Variants in DCUN1D4 observed in about 807,000 individuals in gnomAD.
DCUN1D4 encodes defective in cullin neddylation 1 domain containing 4.
DCUN1D4 carries 22 observed loss-of-function variants against 47.9 expected under a neutral mutation model. The observed-to-expected ratio is 0.46, with a 90% confidence interval of 0.33 to 0.66. DCUN1D4 has a LOEUF of 0.66. DCUN1D4 is among the 30% of genes least tolerant of loss of function. The probability of loss-of-function intolerance (pLI) is 0.02; values close to 1 mark genes in which losing one functional copy is unlikely to be tolerated. For missense variants in DCUN1D4, 301 were observed against 340.8 expected (o/e 0.88, Z 0.92); for synonymous variants, 121 against 112.2 (o/e 1.08, Z -0.50).
upstream of DCUN1D4, among the ~76,000 whole-genome samples, chr4:51,839,185 G>A (rs1479320599): frequency 9.1e-6 from 1 of 109,646 alleles, no homozygotes; most frequent in East Asian, 3.2e-4. Context: ...AGGAAGAAAG[G>A]AGAAGGAAGG....
chr4:51,837,994 A>G, the DCUN1D4 span, among the ~76,000 whole-genome samples: 1 of 152,218 alleles, frequency 6.6e-6, no homozygotes, highest in African/African-American at 2.4e-5. Flanking sequence ...CCTGACCAAC[A>G]TGGTGAAAAC....
intron 1 of DCUN1D4, chr4:51,848,317 G>T: frequency 7.8e-7 from 1 of 1,287,034 alleles, no homozygotes; most frequent in Non-Finnish European, 1.0e-6. Flanking sequence ...GTCCGTTTCT[G>T]GTCTCTCGTG....
chr4:51,906,156 T>C (rs1193486356), intron 8 of DCUN1D4, among the ~76,000 whole-genome samples: 1 of 152,146 alleles, frequency 6.6e-6, no homozygotes, highest in Non-Finnish European at 1.5e-5. Flanking sequence ...GGTAATCTTG[T>C]GGCAGGTTAG....
chr4:51,888,479 G>A (rs764248753), intron 6 of DCUN1D4, among the ~76,000 whole-genome samples: 9 of 152,112 alleles, frequency 5.9e-5, no homozygotes, highest in Non-Finnish European at 8.8e-5. Context: ...GATGGCTCAC[G>A]CCTGTAATCC....
chr4:51,860,515 G>A (rs762405752), intron 1 of DCUN1D4: 1 of 448,754 alleles, frequency 2.2e-6, no homozygotes, highest in Admixed American at 2.4e-5. Context: ...TAAAAGAAAA[G>A]AGGTTTAATT....
rs1021047329 is a variant in DCUN1D4, at chr4:51,884,386, G to T, written c.344-2182G>T. 3 of 152,152 alleles carry T rather than the reference G, an allele frequency of 2.0e-5. No individual in the cohort carries two copies. In the East Asian group the frequency reaches 5.8e-4, roughly 29 times the overall value. 9.4% of individuals were successfully genotyped at this position (152,152 alleles called of 1,614,324 possible). Reference sequence around the variant, plus strand: ...CTGTACTTTGTCTCCCTTCATGGAGGGCAGGGACTGTTTGCACCCTAGGCA... The same window carrying T: ...CTGTACTTTGTCTCCCTTCATGGAGTGCAGGGACTGTTTGCACCCTAGGCA... On this transcript the variant is annotated intron_variant, in intron 5 of 10. Coordinates refer to ENST00000334635, the MANE Select transcript of DCUN1D4 (RefSeq NM_001040402.3).
intron 8 of DCUN1D4, among the ~76,000 whole-genome samples, chr4:51,902,949 A>G (rs974241382): frequency 2.6e-5 from 4 of 152,132 alleles, no homozygotes; most frequent in African/African-American, 9.7e-5. Context: ...TTCATGTATA[A>G]TGCAAGAATC....
intron 6 of DCUN1D4, among the ~76,000 whole-genome samples, chr4:51,889,444 A>G (rs1024870146): frequency 6.6e-6 from 1 of 152,258 alleles, no homozygotes; most frequent in Non-Finnish European, 1.5e-5. Flanking sequence ...CCAAGATAAC[A>G]GCAACATTCT....
chr4:51,874,503 A>T, intron 4 of DCUN1D4, 118 bp downstream of exon 4: 1 of 559,278 alleles, frequency 1.8e-6, no homozygotes. Context: ...GGGCTTTGCC[A>T]GTCGATTTTT....
chr4:51,900,621 T>G (rs1280593442), intron 8 of DCUN1D4, among the ~76,000 whole-genome samples: 1 of 152,122 alleles, frequency 6.6e-6, no homozygotes, highest in Non-Finnish European at 1.5e-5. Flanking sequence ...TAGTTCTAGC[T>G]ACTCAGGAGG....
intron 3 of DCUN1D4, among the ~76,000 whole-genome samples, chr4:51,867,322 C>T (rs942350616): frequency 3.3e-5 from 5 of 152,240 alleles, no homozygotes; most frequent in African/African-American, 4.8e-5. Context: ...GGCTGCAGCT[C>T]TTCTCTCTTC....
At chr4:51,858,144 C>T (rs1055493457) in intron 1 of DCUN1D4, among the ~76,000 whole-genome samples, 1 of 152,062 alleles carries the variant, frequency 6.6e-6, no homozygotes, top group African/African-American at 2.4e-5. Context: ...CCTTAATTGA[C>T]AAATAATTGT....
At chr4:51,852,637 TTC>T in intron 1 of DCUN1D4, among the ~76,000 whole-genome samples, 1 of 152,340 alleles carries the variant, frequency 6.6e-6, no homozygotes, top group Non-Finnish European at 1.5e-5. Context: ...TCTCAGTGTC[TTC>T]TACGTTCTAA....
chr4:51,843,889 A>T, intron 1 of DCUN1D4: 2 of 329,516 alleles, frequency 6.1e-6, no homozygotes, highest in Non-Finnish European at 8.3e-6. Context: ...ACGAGGGCTG[A>T]TGTAACGGGA....
intron 1 of DCUN1D4, among the ~76,000 whole-genome samples, chr4:51,854,748 A>G (rs759818054): frequency 6.6e-6 from 1 of 152,196 alleles, no homozygotes; most frequent in Non-Finnish European, 1.5e-5. Context: ...TTTTTAAAGC[A>G]TTTATTCCCC....
the DCUN1D4 span, among the ~76,000 whole-genome samples, chr4:51,835,959 A>C: frequency 6.6e-6 from 1 of 152,136 alleles, no homozygotes; most frequent in Non-Finnish European, 1.5e-5. Flanking sequence ...CCCCAAGCCA[A>C]GCCTTCCTCC....
intron 7 of DCUN1D4, among the ~76,000 whole-genome samples, chr4:51,898,265 CCATGGG>C (rs1731567115): frequency 6.6e-6 from 1 of 152,100 alleles, no homozygotes; most frequent in Non-Finnish European, 1.5e-5. Context: ...GAGTGAGGAC[CCATGGG>C]CAAGTGCCTT....
the DCUN1D4 span, among the ~76,000 whole-genome samples, chr4:51,837,691 C>CTTAGAAG: frequency 1.7e-5 from 2 of 118,388 alleles, no homozygotes; most frequent in Non-Finnish European, 3.5e-5. Context: ...AAAAAGAAAT[C>CTTAGAAG]TTAGAAGTTA....
At chr4:51,883,633 G>C (rs1729027030) in intron 5 of DCUN1D4, among the ~76,000 whole-genome samples, 1 of 152,222 alleles carries the variant, frequency 6.6e-6, no homozygotes, top group African/African-American at 2.4e-5. Flanking sequence ...TATTGGAAAG[G>C]AGGAGACAGA....
Sources: allele counts gnomAD v4.1 joint callset (sites outside exome capture counted in the v4.1 genomes callset), GRCh38; gene constraint gnomAD v4.1.1; transcripts MANE v1.5; gene names NCBI Gene and HGNC (gene_info 2026-07-23, HGNC 2026-07-21).